Variants in CARMIL1 observed in about 807,000 individuals in gnomAD.
CARMIL1 encodes the protein capping protein regulator and myosin 1 linker 1.
Under a neutral mutation model 177.1 loss-of-function variants are expected in CARMIL1, and 90 were observed. The observed-to-expected ratio is 0.51, with a 90% CI of 0.43 to 0.61. The LOEUF (loss-of-function observed/expected upper bound fraction) is 0.61. Among genes scored for constraint, CARMIL1 ranks in the 20% least tolerant of loss-of-function variants. The pLI is 0.00. For missense variants in CARMIL1, 1,380 were observed against 1,667.0 expected (o/e 0.83, Z 3.00); for synonymous variants, 577 against 606.2 (o/e 0.95, Z 0.71).
intron 2 of CARMIL1, among the ~76,000 whole-genome samples, chr6:25,410,560 T>A (rs1423608813): frequency 1.3e-5 from 2 of 151,714 alleles, no homozygotes; most frequent in Non-Finnish European, 2.9e-5. Context: ...TTGTCTCAAC[T>A]TTTGAGTAAT....
At chr6:25,475,280 TG>T (rs1801446044) in intron 11 of CARMIL1, among the ~76,000 whole-genome samples, 1 of 151,976 alleles carries the variant, frequency 6.6e-6, no homozygotes, top group Admixed American at 6.6e-5. Context: ...GGCAGGCACC[TG>T]TAGTCCCAGC....
intron 29 of CARMIL1, among the ~76,000 whole-genome samples, chr6:25,578,379 G>A (rs1562303713): frequency 6.6e-6 from 1 of 152,088 alleles, no homozygotes; most frequent in Non-Finnish European, 1.5e-5. Flanking sequence ...GGAGGAAGGA[G>A]CGCAAATAAA....
At chr6:25,490,746 TA>T (rs36133582) in intron 13 of CARMIL1, among the ~76,000 whole-genome samples, 1 of 86,838 alleles carries the variant, frequency 1.2e-5, no homozygotes, top group East Asian at 3.2e-4. Flanking sequence ...AATAAATAAA[TA>T]AATAAAAAAA....
At chr6:25,318,241 G>A (rs1337874630) in intron 2 of CARMIL1, among the ~76,000 whole-genome samples, 1 of 152,132 alleles carries the variant, frequency 6.6e-6, no homozygotes, top group Non-Finnish European at 1.5e-5. Flanking sequence ...TTTGGCAGCT[G>A]CCTTGGTGGT....
chr6:25,292,333 A>G (rs1359356632), intron 2 of CARMIL1, among the ~76,000 whole-genome samples: 1 of 152,246 alleles, frequency 6.6e-6, no homozygotes, highest in Non-Finnish European at 1.5e-5. Context: ...GAAAACAGCA[A>G]TAACACTGAA....
chr6:25,333,230 G>A (rs760934984), intron 2 of CARMIL1, among the ~76,000 whole-genome samples: 16 of 152,164 alleles, frequency 1.1e-4, no homozygotes, highest in Non-Finnish European at 2.4e-4. Flanking sequence ...TTTAAAGAAA[G>A]AAATTTCTTG....
At chr6:25,490,757 AAAT>A (rs1803149675) in intron 13 of CARMIL1, among the ~76,000 whole-genome samples, 3 of 147,088 alleles carry the variant, frequency 2.0e-5, no homozygotes, top group Non-Finnish European at 4.5e-5. Context: ...AAATAAAAAA[AAAT>A]AAATGTCATT....
chr6:25,590,848 A>G (rs1393021244), intron 31 of CARMIL1, among the ~76,000 whole-genome samples: 2 of 152,078 alleles, frequency 1.3e-5, no homozygotes, highest in African/African-American at 2.4e-5. Context: ...CCATTTTAAC[A>G]TATTTTTAAT....
In CARMIL1 at chr6:25,483,060, C is replaced by A. The variant is rs1049293913; in HGVS notation, c.961+717C>A. Reference sequence around the variant, plus strand: ...GAGATGTGTTCCCTCTTCCCAAGGCCATACAGAATCAATGAGTGTTCCCTT... The same window carrying A: ...GAGATGTGTTCCCTCTTCCCAAGGCAATACAGAATCAATGAGTGTTCCCTT... On this transcript the variant is annotated intron_variant, in intron 12 of 36. Transcript: ENST00000329474. Among the ~76,000 whole-genome samples the A allele has an allele frequency of 2.0e-5, 3 of 152,228 alleles. 1 individual carries two copies. The highest frequency in any genetic ancestry group is 6.5e-5 in the Admixed American group (1 of 15,294).
chr6:25,401,963 A>G (rs575353211), intron 2 of CARMIL1, among the ~76,000 whole-genome samples: 2 of 152,050 alleles, frequency 1.3e-5, no homozygotes, highest in East Asian at 3.9e-4. Flanking sequence ...CAGCCTACTG[A>G]ATTTGACAAC....
rs1797149401 is a variant in CARMIL1, at chr6:25,435,535, A to G, written c.302A>G (p.Glu101Gly). ...CSISMKMASP[E>G]DVSEVLAHIG... ...ATTTCCATGAAGATGGCGTCACCCGAGGACGTGAGTGAGGTGCTGGCTCAC... is the reference window on the plus strand; with the variant it reads ...ATTTCCATGAAGATGGCGTCACCCGGGGACGTGAGTGAGGTGCTGGCTCAC... The change falls in exon 5 of 37, where the codon GAG becomes GGG. Residue 101 changes from glutamate to glycine, a missense_variant. Transcript: ENST00000329474. The G allele has an allele frequency of 2.6e-6, 4 of 1,556,010 alleles. No homozygotes were observed. The East Asian group carries it at 9.6e-5, about 38-fold the overall frequency.
intron 33 of CARMIL1, among the ~76,000 whole-genome samples, chr6:25,603,180 T>C (rs192720636): frequency 9.8e-5 from 15 of 152,314 alleles, no homozygotes; most frequent in Admixed American, 9.8e-4. Flanking sequence ...TGGAGGAACC[T>C]GAAAGGGAAG....
intron 23 of CARMIL1, among the ~76,000 whole-genome samples, chr6:25,522,945 A>C (rs1806719847): frequency 6.6e-6 from 1 of 152,106 alleles, no homozygotes; most frequent in African/African-American, 2.4e-5. Flanking sequence ...CTACAAGCGT[A>C]TGCCACTGTG....
At position 25,279,696 on chromosome 6, in the gene CARMIL1, C is replaced by A; in HGVS notation, c.-100C>A. The A allele has an allele frequency of 1.8e-6, 2 of 1,098,118 alleles. No individual in the cohort carries two copies. Among genetic ancestry groups the A allele is most frequent in the Non-Finnish European group, 2.8e-6 (2 of 710,666 alleles). 68.0% of individuals were successfully genotyped at this position (1,098,118 alleles called of 1,614,324 possible). On this transcript the variant is annotated 5_prime_UTR_variant, in exon 1 of 37. In the 5' UTR this introduces an upstream ATG that the reference lacks. Coordinates refer to ENST00000329474, the MANE Select transcript of CARMIL1 (RefSeq NM_017640.6). ...TTTCTTGCCCACTTCCATTTGCAAG[C>A]TGCATCTGCCTCTCTAAAAAAATTG...
chr6:25,459,262 C>CTTTCTTTCTTTCTTTCTTTT (rs1562167746), intron 8 of CARMIL1, among the ~76,000 whole-genome samples: 1 of 101,478 alleles, frequency 9.9e-6, no homozygotes, highest in Non-Finnish European at 1.9e-5. Flanking sequence ...TTCTTTCTTT[C>CTTTCTTTCTTTCTTTCTTTT]TTTCTTTTTT....
chr6:25,379,767 T>C (rs902568036), intron 2 of CARMIL1, among the ~76,000 whole-genome samples: 2 of 152,206 alleles, frequency 1.3e-5, no homozygotes, highest in Non-Finnish European at 2.9e-5. Flanking sequence ...TGAATAGCCT[T>C]TTAGCCTGGT....
rs758654223 is a variant in CARMIL1 at position 25,510,560 on chromosome 6, A to G, written c.1531A>G (p.Ile511Val). ...LIVWLSKNRS[I>V]QHLALGKNFN... Reference sequence around the variant, plus strand: ...AGTGTGGCTCAGTAAAAACAGATCAATACAACACCTGGCGTTAGGCAAAAA... The same window carrying G: ...AGTGTGGCTCAGTAAAAACAGATCAGTACAACACCTGGCGTTAGGCAAAAA... The change falls in exon 19 of 37, where the codon ATA (isoleucine) becomes GTA (valine). Residue 511 changes from isoleucine to valine, a missense_variant. Physicochemically the swap from Ile to Val is conservative, Grantham distance 29. Coordinates refer to ENST00000329474, the MANE Select transcript of CARMIL1 (RefSeq NM_017640.6). 12 of 1,558,552 alleles carry G rather than the reference A, an allele frequency of 7.7e-6. No individual in the cohort carries two copies. The highest frequency in any genetic ancestry group is 7.1e-5 in the South Asian group (6 of 84,224).
chr6:25,317,393 A>G (rs999760235), intron 2 of CARMIL1, among the ~76,000 whole-genome samples: 1 of 152,038 alleles, frequency 6.6e-6, no homozygotes, highest in East Asian at 1.9e-4. Flanking sequence ...TGACCTCCCA[A>G]AGTCTCAAAG....
In CARMIL1 at chr6:25,359,657, G is replaced by C. The variant is rs185433663; in HGVS notation, c.139-60457G>C. On this transcript the variant is annotated intron_variant, in intron 2 of 36. Transcript: ENST00000329474. ...TTTTTTTTCCTGATATTGGGATTGC[G>C]TTCCCTTGACTATTGCAGCAGAGAA... is the stretch of plus-strand genomic sequence containing the variant. Among the ~76,000 whole-genome samples, 26 of 152,294 alleles carry C rather than the reference G, an allele frequency of 1.7e-4. 1 individual carries two copies. In the East Asian group the frequency reaches 4.8e-3, roughly 28 times the overall value.
Sources: gnomAD v4.1 joint callset for allele counts (sites outside exome capture counted in the v4.1 genomes callset) on GRCh38, gnomAD v4.1.1 for gene constraint, MANE v1.5 for transcripts, NCBI Gene and HGNC (gene_info 2026-07-23, HGNC 2026-07-21) for gene names.